Variants in EVC observed in about 807,000 individuals in gnomAD.
EVC encodes the protein EvC ciliary complex subunit 1.
In EVC, 116 loss-of-function variants were observed where a neutral mutation model predicts 118.9. The observed-to-expected ratio is 0.98, with a 90% CI of 0.84 to 1.14. The LOEUF (loss-of-function observed/expected upper bound fraction) is 1.14. Among genes scored for constraint, EVC ranks in the 50% most tolerant of loss-of-function variants. The pLI, the probability that EVC is intolerant of heterozygous loss-of-function variation, is 0.00. For missense variants in EVC, 1,401 were observed against 1,246.4 expected (o/e 1.12, Z -1.87); for synonymous variants, 619 against 534.7 (o/e 1.16, Z -2.18).
chr4:5,825,902 C>T, the EVC span: 41,502 of 518,778 alleles, frequency 0.08, 2,574 homozygotes, highest in African/African-American at 0.26. This position sits in a 1 kb window ranked among gnomAD's most constrained non-coding sequence, Gnocchi z 4.4. Flanking sequence ...CACATACAGA[C>T]GCACACACCA....
chr4:5,727,328 A>G (rs889768925), intron 2 of EVC, among the ~76,000 whole-genome samples: 7 of 152,182 alleles, frequency 4.6e-5, no homozygotes, highest in East Asian at 3.9e-4. Flanking sequence ...GCCAGTGATG[A>G]TGAGCATTTT....
chr4:5,760,678 G>A (rs964326959), intron 11 of EVC, among the ~76,000 whole-genome samples: 2 of 152,148 alleles, frequency 1.3e-5, no homozygotes, highest in Middle Eastern at 3.4e-3. Context: ...TCAGCCTCCC[G>A]AGTGGCTGGA....
chr4:5,760,563 T>C (rs565670398), intron 11 of EVC, among the ~76,000 whole-genome samples: 3 of 152,130 alleles, frequency 2.0e-5, no homozygotes, highest in Non-Finnish European at 4.4e-5. Context: ...TTTTTGTTTT[T>C]TGTTTTCAGA....
At chr4:5,821,954 T>G in the EVC span, 1 of 888,964 alleles carries the variant, frequency 1.1e-6, no homozygotes, top group South Asian at 1.9e-5. The surrounding 1 kb of genome is among the most constrained non-coding windows in gnomAD (Gnocchi z 4.4). Flanking sequence ...TGGACCCACC[T>G]TCATTCAGGG....
rs1729350147 is a variant in EVC at position 5,746,375 on chromosome 4, T to C, written c.939+1034T>C. Among the ~76,000 whole-genome samples, 1 of 152,050 alleles carries C rather than the reference T, an allele frequency of 6.6e-6. No homozygotes were observed. Among genetic ancestry groups the C allele is most frequent in the Non-Finnish European group, 1.5e-5 (1 of 68,004 alleles). On this transcript the variant is annotated intron_variant, in intron 7 of 20. Transcript: ENST00000264956. This position sits in a 1 kb window ranked among gnomAD's most constrained non-coding sequence, Gnocchi z 5.8. ...ACGTGTGAGAGAAGCTGTGGTGGTC[T>C]ACCATGGGGCGGCAGGTGGGGAGGA...
intron 12 of EVC, among the ~76,000 whole-genome samples, chr4:5,784,537 T>A (rs1736125112): frequency 6.6e-6 from 1 of 152,018 alleles, no homozygotes. Context: ...AGCAGATTTG[T>A]GTTGTTTTCA....
chr4:5,747,755 T>A (rs1729587299), intron 7 of EVC, among the ~76,000 whole-genome samples: 1 of 152,246 alleles, frequency 6.6e-6, no homozygotes, highest in Non-Finnish European at 1.5e-5. Context: ...CATCTGTTTA[T>A]GCTTTTACTT....
chr4:5,787,023 C>A (rs998535084), intron 12 of EVC, among the ~76,000 whole-genome samples: 2 of 152,168 alleles, frequency 1.3e-5, no homozygotes, highest in African/African-American at 4.8e-5. Context: ...CATGGAAAAT[C>A]AAAAACACAT....
chr4:5,789,291 A>G lies in EVC; in HGVS notation c.1777-4317A>G, dbSNP rs1294751844. On this transcript the variant is annotated intron_variant, in intron 12 of 20. Coordinates refer to ENST00000264956, the MANE Select transcript of EVC (RefSeq NM_153717.3). This position sits in a 1 kb window ranked among gnomAD's most constrained non-coding sequence, Gnocchi z 4.3. The stretch of plus-strand genomic sequence containing the variant: ...CATGTCAGGCCCTGGCTGCCCTCTG[A>G]CCGCAACTGCATGCTGCCCCCAGCC... Among the ~76,000 whole-genome samples, 1 of 152,074 alleles carries G rather than the reference A, an allele frequency of 6.6e-6. No homozygotes were observed. Among genetic ancestry groups the G allele is most frequent in the African/African-American group, 2.4e-5 (1 of 41,378 alleles).
intron 3 of EVC, among the ~76,000 whole-genome samples, chr4:5,730,636 A>G (rs1334972885): frequency 6.6e-6 from 1 of 151,908 alleles, no homozygotes; most frequent in African/African-American, 2.4e-5. Context: ...ACAGTGCATG[A>G]TGAAATAGGC....
At chr4:5,775,367 C>T (rs1380171598) in intron 11 of EVC, among the ~76,000 whole-genome samples, 6 of 152,170 alleles carry the variant, frequency 3.9e-5, no homozygotes, top group Non-Finnish European at 5.9e-5. Flanking sequence ...CCCAGAACAC[C>T]CCCAATGCCT....
intron 20 of EVC, 48 bp downstream of exon 20, chr4:5,810,498 G>A (rs1716733453): frequency 2.8e-6 from 4 of 1,407,916 alleles, no homozygotes; most frequent in Admixed American, 1.9e-5. Context: ...TTTGGTAAAT[G>A]CACTCAGCTG....
intron 2 of EVC, among the ~76,000 whole-genome samples, chr4:5,727,531 A>G (rs1337168548): frequency 6.6e-6 from 1 of 151,768 alleles, no homozygotes; most frequent in Non-Finnish European, 1.5e-5. Flanking sequence ...TTGCCTGTTC[A>G]CTCTGATGGT....
chr4:5,828,549 G>A, the EVC span: 2 of 1,614,216 alleles, frequency 1.2e-6, no homozygotes, highest in Non-Finnish European at 1.7e-6. Flanking sequence ...GCGGAATGAA[G>A]CGGCCCATGC....
the EVC span, chr4:5,825,862 TACAC>T: frequency 7.2e-6 from 4 of 552,748 alleles, no homozygotes; most frequent in East Asian, 3.1e-5. This position sits in a 1 kb window ranked among gnomAD's most constrained non-coding sequence, Gnocchi z 4.4. Flanking sequence ...CAAGCATGCA[TACAC>T]ACACATCTAC....
intron 12 of EVC, among the ~76,000 whole-genome samples, chr4:5,786,607 C>T (rs10028041): frequency 6.6e-6 from 1 of 152,148 alleles, no homozygotes; most frequent in Non-Finnish European, 1.5e-5. Context: ...GGTGCGGTGG[C>T]TCACGCCTAT....
At chr4:5,782,863 C>T (rs1303881446) in intron 11 of EVC, among the ~76,000 whole-genome samples, 1 of 151,992 alleles carries the variant, frequency 6.6e-6, no homozygotes, top group Admixed American at 6.6e-5. Context: ...ACAAAGAGAC[C>T]AGTGGGGATT....
rs200557270 is a variant in EVC at position 5,756,237 on chromosome 4, C to T, written c.1465-27C>T. The T allele has an allele frequency of 3.2e-6, 5 of 1,556,940 alleles. No homozygotes were observed. The highest frequency in any genetic ancestry group is 4.4e-6 in the Non-Finnish European group (5 of 1,134,844). On this transcript the variant is annotated intron_variant, in intron 10 of 20. Coordinates refer to ENST00000264956, the MANE Select transcript of EVC (RefSeq NM_153717.3). This position sits in a 1 kb window ranked among gnomAD's most constrained non-coding sequence, Gnocchi z 4.2. ...AAAAAAAAACCCTGCATGTTTCTAC[C>T]AGACTCAGCTCTTGTTTTCCTCACA...
Position 5,814,061 on chromosome 4 carries a change from A to T in EVC, c.*3024A>T, listed in dbSNP as rs1325913588. On this transcript the variant is annotated 3_prime_UTR_variant, in exon 21 of 21. Transcript: ENST00000264956. ...CAGACTCGGGGCTGCCCTGAAGCTG[A>T]TGAAGGCTTGAAGGACGGAAGGGCT... 1 of 152,276 alleles carries T rather than the reference A, an allele frequency of 6.6e-6. No homozygotes were observed. Among genetic ancestry groups the T allele is most frequent in the Non-Finnish European group, 1.5e-5 (1 of 68,086 alleles). 9.4% of individuals were successfully genotyped at this position (152,276 alleles called of 1,614,324 possible).
Sources: allele counts gnomAD v4.1 joint callset (sites outside exome capture counted in the v4.1 genomes callset), GRCh38; gene constraint gnomAD v4.1.1; non-coding constraint Gnocchi (gnomAD v3.1); transcripts MANE v1.5; gene names NCBI Gene and HGNC (gene_info 2026-07-23, HGNC 2026-07-21).